Variants in UCHL3 observed in about 807,000 individuals in gnomAD.
UCHL3 encodes the protein ubiquitin carboxyl-terminal hydrolase isozyme L3.
Under a neutral mutation model 35.8 loss-of-function variants are expected in UCHL3, and 22 were observed. The ratio of observed to expected loss-of-function variants is 0.61; its 90% CI spans 0.44 to 0.88. UCHL3 has a LOEUF of 0.88. Among genes scored for constraint, UCHL3 ranks in the 40% least tolerant of loss-of-function variants. UCHL3 has a pLI of 0.00. For missense variants in UCHL3, 229 were observed against 276.9 expected (o/e 0.83, Z 1.23); for synonymous variants, 90 against 92.8 (o/e 0.97, Z 0.17).
chr13:75,567,419 T>A, intron 5 of UCHL3, 107 bp downstream of exon 5: 6 of 953,442 alleles, frequency 6.3e-6, no homozygotes, highest in Non-Finnish European at 8.1e-6. Context: ...AATTATGGAT[T>A]TTATTGTATC....
upstream of UCHL3, chr13:75,549,624 TA>T: frequency 2.0e-6 from 1 of 493,858 alleles, no homozygotes; most frequent in Non-Finnish European, 3.4e-6. Context: ...CATCTTAATT[TA>T]AAATATGACA....
intron 6 of UCHL3, among the ~76,000 whole-genome samples, chr13:75,590,681 G>T (rs749852276): frequency 1.3e-5 from 2 of 152,018 alleles, no homozygotes; most frequent in African/African-American, 4.8e-5. Flanking sequence ...CAGGTACTTG[G>T]TTTAATCTTG....
At chr13:75,567,728 A>G (rs1593730730) in intron 5 of UCHL3, among the ~76,000 whole-genome samples, 1 of 151,938 alleles carries the variant, frequency 6.6e-6, no homozygotes, top group South Asian at 2.1e-4. Context: ...TTGTATTTTT[A>G]GTAGAGACAG....
chr13:75,554,021 C>A (rs1204929290), intron 2 of UCHL3, among the ~76,000 whole-genome samples: 1 of 152,132 alleles, frequency 6.6e-6, no homozygotes, highest in Non-Finnish European at 1.5e-5. Flanking sequence ...GGACAGTTAT[C>A]TAACCTCTTT....
At chr13:75,556,910 T>G (rs1467189440) in intron 2 of UCHL3, among the ~76,000 whole-genome samples, 1 of 152,164 alleles carries the variant, frequency 6.6e-6, no homozygotes, top group East Asian at 1.9e-4. Context: ...AGACGTAGTT[T>G]TCTTATTGGC....
intron 6 of UCHL3, among the ~76,000 whole-genome samples, chr13:75,588,923 A>G (rs1288820909): frequency 1.3e-5 from 2 of 152,212 alleles, no homozygotes; most frequent in Non-Finnish European, 2.9e-5. Context: ...CATTTGGATT[A>G]CTACTATTAT....
intron 5 of UCHL3, 84 bp from the exon 6 acceptor site, chr13:75,569,376 G>C: frequency 1.0e-6 from 1 of 996,670 alleles, no homozygotes; most frequent in South Asian, 1.6e-5. Context: ...AAGACTTTAG[G>C]TGTTAAAATT....
chr13:75,558,250 A>T (rs2031357966), intron 2 of UCHL3, among the ~76,000 whole-genome samples: 1 of 152,190 alleles, frequency 6.6e-6, no homozygotes, highest in Non-Finnish European at 1.5e-5. Context: ...CTACTATTGG[A>T]TCATTCATTA....
At chr13:75,565,485 A>G (rs930281463) in intron 3 of UCHL3, among the ~76,000 whole-genome samples, 3 of 152,218 alleles carry the variant, frequency 2.0e-5, no homozygotes, top group Non-Finnish European at 4.4e-5. Context: ...TTTCTTAACT[A>G]CTTGTAGGTT....
At chr13:75,574,210 T>C (rs1405761654) in intron 6 of UCHL3, among the ~76,000 whole-genome samples, 1 of 150,900 alleles carries the variant, frequency 6.6e-6, no homozygotes, top group Non-Finnish European at 1.5e-5. Context: ...AGAAGGAGAC[T>C]CCATCTCAAA....
At chr13:75,567,414 T>C (rs1255262436) in intron 5 of UCHL3, 102 bp downstream of exon 5, 10 of 979,990 alleles carry the variant, frequency 1.0e-5, no homozygotes, top group South Asian at 6.0e-5. Context: ...TGAGCAATTA[T>C]GGATTTTATT....
chr13:75,583,294 C>G (rs987427864), intron 6 of UCHL3, among the ~76,000 whole-genome samples: 1 of 152,170 alleles, frequency 6.6e-6, no homozygotes, highest in Admixed American at 6.5e-5. Context: ...TACAAACACA[C>G]ACACCCACAA....
intron 7 of UCHL3, among the ~76,000 whole-genome samples, chr13:75,595,637 A>G (rs2138576162): frequency 7.0e-6 from 1 of 143,394 alleles, no homozygotes; most frequent in South Asian, 2.3e-4. Context: ...AGAGCGTAAT[A>G]GTTGTAATGA....
intron 2 of UCHL3, among the ~76,000 whole-genome samples, chr13:75,558,162 A>C (rs1454191647): frequency 6.6e-6 from 1 of 152,186 alleles, no homozygotes; most frequent in Admixed American, 6.5e-5. Flanking sequence ...CTTTATATCT[A>C]TCTCATTTAA....
intron 2 of UCHL3, among the ~76,000 whole-genome samples, chr13:75,550,776 T>C (rs2031071778): frequency 6.6e-6 from 1 of 151,590 alleles, no homozygotes; most frequent in Admixed American, 6.6e-5. Context: ...GCTCTCCTAG[T>C]TTATCATACT....
chr13:75,603,919 A>G (rs973513638), intron 7 of UCHL3, among the ~76,000 whole-genome samples: 3 of 152,148 alleles, frequency 2.0e-5, no homozygotes, highest in Non-Finnish European at 4.4e-5. Flanking sequence ...GGAATCACAA[A>G]TTCTGATGAT....
chr13:75,553,303 A>C (rs768105984), intron 2 of UCHL3, among the ~76,000 whole-genome samples: 2 of 152,092 alleles, frequency 1.3e-5, no homozygotes, highest in African/African-American at 4.8e-5. Flanking sequence ...TCTTTTCCTT[A>C]TTCATTCCTG....
At chr13:75,561,027 C>A in intron 3 of UCHL3, 146 bp downstream of exon 3, 1 of 651,904 alleles carries the variant, frequency 1.5e-6, no homozygotes, top group Non-Finnish European at 2.3e-6. Flanking sequence ...ACCTCCCAGG[C>A]TCAAGCGATC....
chr13:75,580,900 T>A (rs933657648), intron 6 of UCHL3, among the ~76,000 whole-genome samples: 1 of 152,246 alleles, frequency 6.6e-6, no homozygotes, highest in Non-Finnish European at 1.5e-5. Context: ...TTTTTAAAAT[T>A]TGAATTTCTG....
Sources: gnomAD v4.1 joint callset for allele counts (sites outside exome capture counted in the v4.1 genomes callset) on GRCh38, gnomAD v4.1.1 for gene constraint, MANE v1.5 for transcripts, NCBI Gene and HGNC (gene_info 2026-07-23, HGNC 2026-07-21) for gene names.